The following MUC5B variants were observed in gnomAD, a reference collection of about 807,000 sequenced individuals.
MUC5B encodes the protein mucin-5B.
A neutral mutation model predicts 376.9 loss-of-function variants in MUC5B; 116 were observed. The observed-to-expected ratio is 0.31, with a 90% CI of 0.26 to 0.36. The LOEUF is 0.36. MUC5B is among the 10% of genes least tolerant of loss of function. MUC5B has a pLI of 1.00. For synonymous variants in MUC5B, 3,517 were observed against 3,390.9 expected (o/e 1.04, Z -1.29); for missense variants, 7,165 against 7,769.9 (o/e 0.92, Z 2.93).
At chr11:1,232,819 C>T (rs375610405) in intron 17 of MUC5B, 49 bp downstream of exon 17, 151 of 1,530,018 alleles carry the variant, frequency 9.9e-5, no homozygotes, top group Middle Eastern at 4.0e-4. Context: ...CGTGGGGGTG[C>T]GGGGGACCCT....
intron 7 of MUC5B, among the ~76,000 whole-genome samples, chr11:1,228,342 G>A (rs761709573): frequency 5.3e-5 from 8 of 152,174 alleles, no homozygotes; most frequent in African/African-American, 1.7e-4. Context: ...CTTACTCCAC[G>A]GGCAGGCACA....
Position 1,262,097 on chromosome 11 carries a change from A to G in MUC5B, c.*489A>G, listed in dbSNP as rs1863012796. The G allele has an allele frequency of 1.9e-6, 1 of 525,686 alleles. No individual in the cohort carries two copies. Among genetic ancestry groups the G allele is most frequent in the Non-Finnish European group, 3.9e-6 (1 of 257,986 alleles). The allele number at this position is 525,686 out of a possible 1,614,324, so 32.6% of individuals were successfully genotyped here. A position where few individuals can be genotyped will look rare whatever the true frequency, so the allele number is the denominator to read the frequency against. ...GGGCTGAGGTCGCAACGGCCAGGTC[A>G]GAGAGGGGTCAGCATCCCAAAGCCC... On this transcript the variant is annotated 3_prime_UTR_variant, in exon 49 of 49. Coordinates refer to ENST00000529681, the MANE Select transcript of MUC5B (RefSeq NM_002458.3).
Position 1,241,770 on chromosome 11 carries a change from G to A in MUC5B, c.4890G>A (p.Thr1630=), listed in dbSNP as rs768678125. 35 of 1,611,918 alleles carry A rather than the reference G, an allele frequency of 2.2e-5. No homozygotes were observed. The highest frequency in any genetic ancestry group is 5.3e-5 in the African/African-American group (4 of 74,854). ...TTTTTQALFS[T]PQPTSSPGLT... The stretch of plus-strand genomic sequence containing the variant: ...CCACCACCCAGGCCCTGTTCTCAAC[G>A]CCGCAGCCTACGAGTAGCCCGGGGC... The change falls in exon 31 of 49, where the codon ACG becomes ACA. Residue 1630 remains threonine, a synonymous_variant. Coordinates refer to ENST00000529681, the MANE Select transcript of MUC5B (RefSeq NM_002458.3).
chr11:1,229,053 T>A, intron 8 of MUC5B, 117 bp from the exon 9 acceptor site: 2 of 1,278,626 alleles, frequency 1.6e-6, no homozygotes, highest in Middle Eastern at 5.5e-4. Context: ...CCCTGGGGCC[T>A]AGCTCTGGCT....
Position 1,250,140 on chromosome 11 carries a change from C to T in MUC5B, c.13260C>T (p.Ile4420=), listed in dbSNP as rs775451995. The change falls in exon 31 of 49, where the codon ATC becomes ATT. Residue 4420 remains isoleucine, a synonymous_variant. Coordinates refer to ENST00000529681, the MANE Select transcript of MUC5B (RefSeq NM_002458.3). The part of the protein sequence containing the change: ...TPSSTPGTTW[I]LTELTTTATT... ...CCTCCACCCCAGGGACCACCTGGAT[C>T]CTCACAGAGCTGACCACAACAGCCA... 3.1e-6 allele frequency: 5 copies of T among 1,610,538 alleles called. No individual in the cohort carries two copies. The South Asian group carries it at 4.4e-5, about 14-fold the overall frequency.
Position 1,231,547 on chromosome 11 carries a change from G to C in MUC5B, c.1665G>C (p.Gln555His), listed in dbSNP as rs1862029323. 1.3e-6 allele frequency: 2 copies of C among 1,580,384 alleles called. No individual in the cohort carries two copies. Among genetic ancestry groups the C allele is most frequent in the African/African-American group, 1.3e-5 (1 of 74,176 alleles). The change falls in exon 14 of 49, where the codon CAG (glutamine) becomes CAC (histidine). Residue 555 changes from glutamine to histidine, a missense_variant. Around this residue, in one of 31 missense-constraint regions of MUC5B, gnomAD observed 640 missense variants for 733.0 expected, o/e 0.87. Coordinates refer to ENST00000529681, the MANE Select transcript of MUC5B (RefSeq NM_002458.3). ...TTGTCAGGCTGGACCCCGCCCACCA[G>C]GGCCAGATGTGCGGTGAGGCTGGGC... The part of the protein sequence containing the change: ...QVFVRLDPAH[Q>H]GQMCGLCGNF...
chr11:1,260,414 C>T, intron 47 of MUC5B, 21 bp downstream of exon 47: 5 of 1,612,158 alleles, frequency 3.1e-6, no homozygotes, highest in Middle Eastern at 1.7e-4. Context: ...GCCACCTTCC[C>T]ACACCAGCCC....
At position 1,226,724 on chromosome 11, in the gene MUC5B, C is replaced by T. The variant is rs765724680; in HGVS notation, c.309C>T (p.Phe103=). ...FRFPGLCNYV[F]SEHCRAAYED... ...TCCCTGGCCTTTGCAACTACGTGTT[C>T]TCTGAGCACTGCCGCGCCGCCTACG... Residue 103 remains phenylalanine, a synonymous_variant, in exon 4 of 49, where the codon TTC becomes TTT. Transcript: ENST00000529681. 1 of 1,612,824 alleles carries T rather than the reference C, an allele frequency of 6.2e-7. No individual in the cohort carries two copies. The highest frequency in any genetic ancestry group is 1.3e-5 in the African/African-American group (1 of 75,060).
chr11:1,259,007 G>C lies in MUC5B; in HGVS notation c.16659G>C (p.Gln5553His). 6.4e-7 allele frequency: 1 copy of C among 1,560,608 alleles called. No individual in the cohort carries two copies. The highest frequency in any genetic ancestry group is 1.2e-5 in the South Asian group (1 of 84,456). The change falls in exon 44 of 49, where the codon CAG (glutamine) becomes CAC (histidine). Residue 5553 changes from glutamine to histidine, a missense_variant. Coordinates refer to ENST00000529681, the MANE Select transcript of MUC5B (RefSeq NM_002458.3). Reference protein sequence around the residue: ...HMCTCLSGDTQDPTVQCQEDA... With the variant: ...HMCTCLSGDTHDPTVQCQEDA... ...GTACCTGCCTCTCTGGGGACACCCA[G>C]GACCCAACGGTGCAATGTCAGGAGG...
At position 1,257,521 on chromosome 11, in the gene MUC5B, C is replaced by A; in HGVS notation, c.16270-9C>A. ...AGGAGCCCTCAGGGACCCCCTTGAT[C>A]CATTCCAGCCCGGGGAGCGGTGGGT... On this transcript the variant is annotated splice_polypyrimidine_tract_variant and intron_variant, in intron 40 of 48. Transcript: ENST00000529681. This position sits in a 1 kb window ranked among gnomAD's most constrained non-coding sequence, Gnocchi z 8.9. 6.2e-7 allele frequency: 1 copy of A among 1,607,586 alleles called. No homozygotes were observed. The highest frequency in any genetic ancestry group is 1.1e-5 in the South Asian group (1 of 90,926).
In MUC5B at chr11:1,262,172, A is replaced by G; in HGVS notation, c.*564A>G. On this transcript the variant is annotated 3_prime_UTR_variant, in exon 49 of 49. Transcript: ENST00000529681. ...TGCAAATAAACCCTGAGCATTGAGT[A>G]CGTTTCCTGTCCTGACGTCTTTTCT... The G allele has an allele frequency of 2.1e-6, 1 of 477,442 alleles. No homozygotes were observed. The highest frequency in any genetic ancestry group is 4.4e-6 in the Non-Finnish European group (1 of 227,324). The allele number at this position is 477,442 out of a possible 1,614,324, so 29.6% of individuals were successfully genotyped here.
In MUC5B at chr11:1,260,029, G is replaced by A. The variant is rs140171017; in HGVS notation, c.16867G>A (p.Gly5623Arg). 2.2e-4 allele frequency: 355 copies of A among 1,612,844 alleles called. 5 individuals are homozygous for A. The East Asian group carries it at 4.8e-3, about 22-fold the overall frequency. Residue 5623 changes from glycine (G) to arginine (R), a missense_variant, in exon 46 of 49, where the codon GGA becomes AGA. Gly to Arg is a moderately radical substitution (Grantham distance 125). Around this residue, in one of 31 missense-constraint regions of MUC5B, gnomAD observed 842 missense variants for 1,016.9 expected, o/e 0.83. Transcript: ENST00000529681. ...CGTGTACCTCTGTGAGGCTGAGGGT[G>A]GAGTCCATTTGCTGACCCCACAGCC... ...CTVYLCEAEG[G>R]VHLLTPQPAS...
At position 1,243,455 on chromosome 11, in the gene MUC5B, A is replaced by C. The variant is rs201191795; in HGVS notation, c.6575A>C (p.Asn2192Thr). 6,269 of 1,447,148 alleles carry C rather than the reference A, an allele frequency of 4.3e-3. 22 individuals are homozygous for C. The highest frequency in any genetic ancestry group is 5.0e-3 in the Non-Finnish European group (5,294 of 1,057,494). 89.6% of individuals were successfully genotyped at this position (1,447,148 alleles called of 1,614,324 possible). A position where few individuals can be genotyped will look rare whatever the true frequency, so the allele number is the denominator to read the frequency against. The change falls in exon 31 of 49, where the codon AAC becomes ACC. Residue 2192 changes from asparagine to threonine, a missense_variant. Coordinates refer to ENST00000529681, the MANE Select transcript of MUC5B (RefSeq NM_002458.3). The part of the protein sequence containing the change: ...LGTTHTPPVP[N>T]TMATTHGRSL... ...ACCACCCACACACCCCCAGTGCCGA[A>C]CACCATGGCCACCACACACGGGCGA...
At position 1,259,015 on chromosome 11, in the gene MUC5B, C is replaced by T. The variant is rs372883024; in HGVS notation, c.16667C>T (p.Thr5556Met). Residue 5556 changes from threonine (T) to methionine (M), a missense_variant, in exon 44 of 49, where the codon ACG becomes ATG. By Grantham distance (81) the Thr-to-Met change is moderately conservative. This residue lies in a region of MUC5B where 842 missense variants were observed against 1,016.9 expected (regional missense o/e 0.83). Transcript: ENST00000529681. ...CTCTCTGGGGACACCCAGGACCCAA[C>T]GGTGCAATGTCAGGAGGATGCCTGC... ...TCLSGDTQDPTVQCQEDACNN... is the reference protein window; with the variant it reads ...TCLSGDTQDPMVQCQEDACNN... 2.3e-4 allele frequency: 356 copies of T among 1,560,024 alleles called. No homozygotes were observed. The highest frequency in any genetic ancestry group is 2.0e-3 in the Middle Eastern group (12 of 6,000).
intron 13 of MUC5B, among the ~76,000 whole-genome samples, chr11:1,231,207 C>T (rs1460668052): frequency 6.6e-6 from 1 of 152,182 alleles, no homozygotes; most frequent in Non-Finnish European, 1.5e-5. Context: ...CCACATCCAG[C>T]TCGCTCAGCC....
At position 1,260,438 on chromosome 11, in the gene MUC5B, C is replaced by T. The variant is rs756709344; in HGVS notation, c.16966+45C>T. The T allele has an allele frequency of 2.3e-5, 37 of 1,603,756 alleles. 1 individual carries two copies. The highest frequency in any genetic ancestry group is 1.9e-4 in the South Asian group (17 of 90,806). On this transcript the variant is annotated intron_variant, in intron 47 of 48. Coordinates refer to ENST00000529681, the MANE Select transcript of MUC5B (RefSeq NM_002458.3). ...CCACACCAGCCCTCCAGCTCCAGCC[C>T]GTCGCCACCCATCCATTCCTGCCCA...
At position 1,252,336 on chromosome 11, in the gene MUC5B, TTCACAGGGGAAG is replaced by T. The variant is rs1862726166; in HGVS notation, c.14864-3_14872del. Reference sequence around the variant, plus strand: ...GGCTTATCTTTCTATGGTGTTGTTCTTCACAGGGGAAGTCATCTACAATAAGACCGACCGAGC... The same window carrying T: ...GGCTTATCTTTCTATGGTGTTGTTCTTCATCTACAATAAGACCGACCGAGC... On this transcript the variant is annotated splice_acceptor_variant and splice_polypyrimidine_tract_variant and coding_sequence_variant and intron_variant, in exon 32 of 49. Transcript: ENST00000529681. LOFTEE classifies it high-confidence loss of function. The T allele has an allele frequency of 6.5e-7, 1 of 1,538,852 alleles. No homozygotes were observed. Among genetic ancestry groups the T allele is most frequent in the South Asian group, 1.3e-5 (1 of 79,480 alleles).
chr11:1,244,773 A>T lies in MUC5B; in HGVS notation c.7893A>T (p.Pro2631=), dbSNP rs371333011. The T allele has an allele frequency of 1.2e-6, 2 of 1,612,374 alleles. No homozygotes were observed. The highest frequency in any genetic ancestry group is 1.1e-5 in the South Asian group (1 of 90,976). ...SSSPGTARTL[P]VWISTTTTPT... ...GCCCAGGGACGGCACGCACGCTTCC[A>T]GTGTGGATCAGCACAACCACCACAC... is the stretch of plus-strand genomic sequence containing the variant. The change falls in exon 31 of 49, where the codon CCA becomes CCT. Residue 2631 remains proline, a synonymous_variant. Coordinates refer to ENST00000529681, the MANE Select transcript of MUC5B (RefSeq NM_002458.3).
In MUC5B at chr11:1,246,589, G is replaced by A. The variant is rs202223260; in HGVS notation, c.9709G>A (p.Val3237Ile). Reference sequence around the variant, plus strand: ...AGCCACCACACCCACAGCTACCAGCGTTACAGCCATCCCCTCTTCCTCCCT... The same window carrying A: ...AGCCACCACACCCACAGCTACCAGCATTACAGCCATCCCCTCTTCCTCCCT... ...STATTPTATS[V>I]TAIPSSSLGT... Residue 3237 changes from valine to isoleucine, a missense_variant, in exon 31 of 49, where the codon GTT becomes ATT. Val to Ile is a conservative substitution (Grantham distance 29). This residue lies in a region of MUC5B where 939 missense variants were observed against 770.6 expected (regional missense o/e 1.22). Coordinates refer to ENST00000529681, the MANE Select transcript of MUC5B (RefSeq NM_002458.3). 4.7e-5 allele frequency: 76 copies of A among 1,611,546 alleles called. No individual in the cohort carries two copies. Among genetic ancestry groups the A allele is most frequent in the African/African-American group, 1.9e-4 (14 of 74,150 alleles).
Sources: gnomAD v4.1 joint callset for allele counts (sites outside exome capture counted in the v4.1 genomes callset) on GRCh38, gnomAD v4.1.1 for gene constraint, gnomAD v4.1.1 regional missense constraint, Gnocchi (gnomAD v3.1) non-coding constraint, MANE v1.5 for transcripts, NCBI Gene and HGNC (gene_info 2026-07-23, HGNC 2026-07-21) for gene names.